Variants in ODAD2 observed in about 807,000 individuals in gnomAD.
ODAD2 encodes the protein outer dynein arm docking complex subunit 2.
Under a neutral mutation model 106.8 loss-of-function variants are expected in ODAD2, and 89 were observed. The ratio of observed to expected loss-of-function variants is 0.83; its 90% CI spans 0.70 to 0.99. ODAD2 has a LOEUF of 0.99. Among genes scored for constraint, ODAD2 ranks in the 50% least tolerant of loss-of-function variants. ODAD2 has a pLI of 0.00. For missense variants in ODAD2, 1,168 were observed against 1,238.5 expected (o/e 0.94, Z 0.85); for synonymous variants, 404 against 436.2 (o/e 0.93, Z 0.92).
chr10:27,994,869 T>G, intron 2 of ODAD2, 50 bp downstream of exon 2: 7 of 1,592,336 alleles, frequency 4.4e-6, no homozygotes, highest in Non-Finnish European at 6.0e-6. Flanking sequence ...CAATTGATAA[T>G]ACTATGTACA....
At chr10:27,837,773 T>C (rs1212748629) in intron 19 of ODAD2, among the ~76,000 whole-genome samples, 1 of 152,346 alleles carries the variant, frequency 6.6e-6, no homozygotes, top group East Asian at 1.9e-4. Flanking sequence ...AAGTGTATTG[T>C]AAATGAACAC....
intron 16 of ODAD2, 65 bp from the exon 17 acceptor site, chr10:27,907,842 A>G: frequency 9.4e-7 from 1 of 1,065,940 alleles, no homozygotes; most frequent in South Asian, 1.5e-5. Context: ...CATTTTAATG[A>G]CCCACTTATT....
At chr10:27,900,725 T>A (rs572423828) in intron 17 of ODAD2, among the ~76,000 whole-genome samples, 1 of 152,158 alleles carries the variant, frequency 6.6e-6, no homozygotes, top group African/African-American at 2.4e-5. Context: ...ATATTGAAGG[T>A]CATCTTAGTG....
chr10:27,891,358 T>C (rs1272810273), intron 17 of ODAD2, among the ~76,000 whole-genome samples: 2 of 151,894 alleles, frequency 1.3e-5, no homozygotes, highest in Non-Finnish European at 2.9e-5. Context: ...TCACTGGTTT[T>C]CAAATTACTA....
rs548401657 is a variant in ODAD2 at position 27,955,127 on chromosome 10, C to T, written c.1386+6441G>A. 1.4e-4 allele frequency among the ~76,000 whole-genome samples: 21 copies of T among 152,278 alleles called. No individual in the cohort carries two copies. The South Asian group carries it at 3.7e-3, about 27-fold the overall frequency. On this transcript the variant is annotated intron_variant, in intron 10 of 19. Coordinates refer to ENST00000305242, the MANE Select transcript of ODAD2 (RefSeq NM_018076.5). ...TCTCAGGAACATGGTACTCATTTGC[C>T]TTTCTAACTACTGGAGTTGATTCGA...
At chr10:27,965,751 C>T (rs1051387717) in intron 9 of ODAD2, among the ~76,000 whole-genome samples, 1 of 152,130 alleles carries the variant, frequency 6.6e-6, no homozygotes, top group Non-Finnish European at 1.5e-5. Context: ...GGGCTGAAAA[C>T]GGGCCATCTG....
chr10:27,907,057 T>C (rs900354656), intron 17 of ODAD2, among the ~76,000 whole-genome samples: 3 of 151,894 alleles, frequency 2.0e-5, no homozygotes, highest in African/African-American at 7.3e-5. Context: ...GCAACAAGGA[T>C]CTTAAAGGGC....
At chr10:27,826,637 G>A (rs903847459) in intron 19 of ODAD2, among the ~76,000 whole-genome samples, 4 of 151,960 alleles carry the variant, frequency 2.6e-5, no homozygotes, top group East Asian at 1.9e-4. Context: ...TGTGGAAGAG[G>A]TGTCTCCTCC....
intron 14 of ODAD2, 130 bp downstream of exon 14, chr10:27,939,764 TAAA>T (rs974069939): frequency 4.2e-6 from 2 of 481,846 alleles, no homozygotes; most frequent in South Asian, 1.1e-4. Context: ...AATTAAAACT[TAAA>T]AAAATCAAAT....
chr10:27,845,370 C>A (rs1410484910), intron 19 of ODAD2, among the ~76,000 whole-genome samples: 1 of 152,112 alleles, frequency 6.6e-6, no homozygotes, highest in African/African-American at 2.4e-5. Flanking sequence ...TAAGCAAATG[C>A]TGAGAGATTT....
intron 19 of ODAD2, among the ~76,000 whole-genome samples, chr10:27,839,296 G>A (rs1235015520): frequency 2.0e-5 from 3 of 152,196 alleles, no homozygotes; most frequent in African/African-American, 4.8e-5. Context: ...GCGGCAGCAA[G>A]TATGAAGGCA....
rs779369492 is a variant in ODAD2 at position 27,936,776 on chromosome 10, A to G, written c.2202T>C (p.Ala734=). 3 of 1,614,092 alleles carry G rather than the reference A, an allele frequency of 1.9e-6. No homozygotes were observed. The East Asian group carries it at 6.7e-5, about 36-fold the overall frequency. Residue 734 remains alanine, a synonymous_variant, in exon 15 of 20, where the codon GCT becomes GCC. Transcript: ENST00000305242. The part of the protein sequence containing the change: ...NNTDNKERLA[A]VTGAIWKCSI... ...AACATTTCCATATAGCCCCTGTGAC[A>G]GCAGCTAACCGCTCTTTATTGTCAG...
intron 17 of ODAD2, among the ~76,000 whole-genome samples, chr10:27,904,827 C>T (rs1200737220): frequency 2.0e-5 from 3 of 152,180 alleles, no homozygotes; most frequent in Non-Finnish European, 4.4e-5. Context: ...ATTTATAAAT[C>T]AACTTGGAGG....
At chr10:27,973,909 G>A (rs755049286) in intron 7 of ODAD2, among the ~76,000 whole-genome samples, 2 of 152,058 alleles carry the variant, frequency 1.3e-5, no homozygotes, top group Non-Finnish European at 2.9e-5. Context: ...CAGTGTGTAC[G>A]TATTCCCTTT....
At chr10:27,913,525 A>C (rs900227022) in intron 16 of ODAD2, among the ~76,000 whole-genome samples, 11 of 152,212 alleles carry the variant, frequency 7.2e-5, no homozygotes, top group African/African-American at 2.7e-4. Context: ...CAGCAAAAGA[A>C]ACTATCCACA....
intron 17 of ODAD2, among the ~76,000 whole-genome samples, chr10:27,871,321 T>C (rs1348541559): frequency 6.6e-6 from 1 of 152,232 alleles, no homozygotes; most frequent in East Asian, 1.9e-4. Context: ...TTCACTCTGA[T>C]GGTAGTTTCT....
chr10:27,818,790 G>T (rs1338616958), intron 19 of ODAD2, among the ~76,000 whole-genome samples: 1 of 152,102 alleles, frequency 6.6e-6, no homozygotes, highest in East Asian at 1.9e-4. Context: ...TTTAAATCTG[G>T]AAAGAAGTGA....
In ODAD2 at chr10:27,929,394, T is replaced by C. The variant is rs373686832; in HGVS notation, c.2495+5616A>G. 1.1e-3 allele frequency among the ~76,000 whole-genome samples: 175 copies of C among 152,294 alleles called. 1 individual carries two copies. The highest frequency in any genetic ancestry group is 4.0e-3 in the African/African-American group (167 of 41,576). On this transcript the variant is annotated intron_variant, in intron 16 of 19. Transcript: ENST00000305242. ...ACATCTGCCCTGAGATGACTTTGTT[T>C]TGATTTTTGTCAGTTGTATTATTAA...
At chr10:27,961,495 G>C in intron 10 of ODAD2, 73 bp downstream of exon 10, 1 of 1,377,750 alleles carries the variant, frequency 7.3e-7, no homozygotes, top group Non-Finnish European at 1.0e-6. Context: ...AGTAAACTTG[G>C]AAGCAGCATA....
Sources: allele counts gnomAD v4.1 joint callset (sites outside exome capture counted in the v4.1 genomes callset), GRCh38; gene constraint gnomAD v4.1.1; transcripts MANE v1.5; gene names NCBI Gene and HGNC (gene_info 2026-07-23, HGNC 2026-07-21).